The following SYNE3 variants were observed in gnomAD, a reference collection of about 807,000 sequenced individuals.
SYNE3 encodes nesprin-3.
In SYNE3, 100 loss-of-function variants were observed where a neutral mutation model predicts 111.2. That is an observed-to-expected ratio of 0.90 (90% CI 0.77 to 1.06). The LOEUF (loss-of-function observed/expected upper bound fraction) is 1.06, where lower values mean the gene tolerates loss of function less well. SYNE3 is among the 50% of genes least tolerant of loss of function. The pLI, the probability that SYNE3 is intolerant of heterozygous loss-of-function variation, is 0.00. For synonymous variants in SYNE3, 547 were observed against 533.9 expected, an observed-to-expected ratio of 1.02 and a Z score of -0.34; for missense variants, 1,160 against 1,240.3, an observed-to-expected ratio of 0.94 and a Z score of 0.97.
intron 17 of SYNE3, 76 bp downstream of exon 17, chr14:95,432,003 C>T (rs1374084665): frequency 1.3e-6 from 2 of 1,535,220 alleles, no homozygotes; most frequent in African/African-American, 1.4e-5. Context: ...ACGAGTCTTG[C>T]CCCAGTGTCA....
chr14:95,439,202 G>A (rs1236037367), intron 13 of SYNE3, 40 bp from the exon 14 acceptor site: 3 of 1,612,040 alleles, frequency 1.9e-6, no homozygotes, highest in Non-Finnish European at 1.7e-6. Flanking sequence ...CAGAGATGTG[G>A]TGGGGACCCA....
chr14:95,456,901 G>A (rs539954271), intron 5 of SYNE3, among the ~76,000 whole-genome samples: 9 of 152,072 alleles, frequency 5.9e-5, no homozygotes, highest in East Asian at 3.9e-4. Context: ...TGGCTAACAT[G>A]GTGAAACCCT....
At chr14:95,480,653 G>A (rs192266181) in intron 1 of SYNE3, among the ~76,000 whole-genome samples, 23 of 152,314 alleles carry the variant, frequency 1.5e-4, no homozygotes, top group Admixed American at 1.2e-3. Context: ...CTCAAAATGG[G>A]ACACCTTAAT....
At position 95,515,832 on chromosome 14, in the gene SYNE3, G is replaced by T. The variant is rs1392484486; in HGVS notation, c.-15+764C>A. Among the ~76,000 whole-genome samples, 7 of 152,206 alleles carry T rather than the reference G, an allele frequency of 4.6e-5. 1 individual carries two copies. In the South Asian group the frequency reaches 8.3e-4, roughly 18 times the overall value. On this transcript the variant is annotated intron_variant, in intron 1 of 17. Coordinates refer to ENST00000682763, the MANE Select transcript of SYNE3 (RefSeq NM_152592.6). ...CATTATCACCCCGCCCAGGCTGGAG[G>T]CCCCTGGCTTCCAGTTTTGAAGCAG...
intron 1 of SYNE3, among the ~76,000 whole-genome samples, chr14:95,476,329 C>A (rs893999514): frequency 6.6e-6 from 1 of 152,206 alleles, no homozygotes; most frequent in Non-Finnish European, 1.5e-5. Context: ...TGGGGATGGT[C>A]GTGTTAGGTT....
At chr14:95,434,866 C>T (rs564529604) in intron 15 of SYNE3, among the ~76,000 whole-genome samples, 2 of 152,312 alleles carry the variant, frequency 1.3e-5, no homozygotes, top group South Asian at 4.1e-4. Context: ...CATGTTGAGG[C>T]TGGTCTCGAA....
Position 95,475,698 on chromosome 14 carries a change from C to T in SYNE3, c.124G>A (p.Ala42Thr), listed in dbSNP as rs1245147199. 3.2e-6 allele frequency: 5 copies of T among 1,582,618 alleles called. No homozygotes were observed. Among genetic ancestry groups the T allele is most frequent in the Non-Finnish European group, 4.3e-6 (5 of 1,166,220 alleles). The change falls in exon 2 of 18, where the codon GCC becomes ACC. Residue 42 changes from alanine (A) to threonine (T), a missense_variant. Ala to Thr is a moderately conservative substitution (Grantham distance 58). Coordinates refer to ENST00000682763, the MANE Select transcript of SYNE3 (RefSeq NM_152592.6). ...CATACCTCGGTCTCCCACAGCCTGG[C>T]CTCCAGGGCCGCGCGGGGTCCCTGC... Reference protein sequence around the residue: ...NTQGPRAALEARLWETEKICQ... With the variant: ...NTQGPRAALETRLWETEKICQ...
At chr14:95,482,641 C>A (rs1889328590) in intron 1 of SYNE3, among the ~76,000 whole-genome samples, 1 of 152,048 alleles carries the variant, frequency 6.6e-6, no homozygotes, top group African/African-American at 2.4e-5. Flanking sequence ...CATTATTTGT[C>A]CCATTTTACA....
intron 7 of SYNE3, chr14:95,450,531 GC>G: frequency 6.0e-6 from 1 of 167,230 alleles, no homozygotes; most frequent in South Asian, 1.5e-4. Flanking sequence ...TTAAAAATTA[GC>G]CAGGCATCAT....
At position 95,485,835 on chromosome 14, in the gene SYNE3, C is replaced by T. The variant is rs898088323; in HGVS notation, c.-14-10000G>A. Among the ~76,000 whole-genome samples, 1 of 152,166 alleles carries T rather than the reference C, an allele frequency of 6.6e-6. No individual in the cohort carries two copies. The highest frequency in any genetic ancestry group is 1.5e-5 in the Non-Finnish European group (1 of 68,026). On this transcript the variant is annotated intron_variant, in intron 1 of 17. Coordinates refer to ENST00000682763, the MANE Select transcript of SYNE3 (RefSeq NM_152592.6). This position sits in a 1 kb window ranked among gnomAD's most constrained non-coding sequence, Gnocchi z 4.3. ...CTCATCTCTCCTGCTCCTCACTTCA[C>T]CTCCTTCGTGGAGCTCAGCACCTGC...
rs1016559722 is a variant in SYNE3, at chr14:95,468,136, T to G, written c.145-169A>C. ...TGTGGGGTCTTGGGCAACCTGCTAC[T>G]AGCTCTGAGGGTAGGAGGCGGGAGC... is the stretch of plus-strand genomic sequence containing the variant. On this transcript the variant is annotated intron_variant, in intron 2 of 17. Transcript: ENST00000682763. Among the ~76,000 whole-genome samples the G allele has an allele frequency of 2.6e-5, 4 of 152,202 alleles. No individual in the cohort carries two copies. The South Asian group carries it at 8.3e-4, about 31-fold the overall frequency.
chr14:95,489,211 G>T (rs970708751), intron 1 of SYNE3, among the ~76,000 whole-genome samples: 2 of 152,206 alleles, frequency 1.3e-5, no homozygotes, highest in Non-Finnish European at 2.9e-5. Flanking sequence ...GAAGACAAAT[G>T]GAGTCACCCA....
In SYNE3 at chr14:95,409,826, G is replaced by A. The variant is rs1903388045; in HGVS notation, c.*8000C>T. On this transcript the variant is annotated 3_prime_UTR_variant, in exon 18 of 18. Coordinates refer to ENST00000682763, the MANE Select transcript of SYNE3 (RefSeq NM_152592.6). ...AGCCTGCAGGCACTGGCAATTGGGT[G>A]ATGAGGGCCACCTGTGGGGTGCCCC... is the stretch of plus-strand genomic sequence containing the variant. The A allele has an allele frequency of 5.4e-6, 1 of 186,672 alleles. No individual in the cohort carries two copies. Among genetic ancestry groups the A allele is most frequent in the Admixed American group, 5.3e-5 (1 of 18,718 alleles). 11.6% of individuals were successfully genotyped at this position (186,672 alleles called of 1,614,324 possible). A position where few individuals can be genotyped will look rare whatever the true frequency, so the allele number is the denominator to read the frequency against.
chr14:95,467,068 T>C lies in SYNE3; in HGVS notation c.317+727A>G, dbSNP rs574427683. On this transcript the variant is annotated intron_variant, in intron 3 of 17. Transcript: ENST00000682763. ...TCCATCTCTAACATGGAGGTGGCTCTATCTCCCCAGCCAACATCAAGTCAC... is the reference window on the plus strand; with the variant it reads ...TCCATCTCTAACATGGAGGTGGCTCCATCTCCCCAGCCAACATCAAGTCAC... 1.1e-4 allele frequency among the ~76,000 whole-genome samples: 17 copies of C among 152,342 alleles called. No homozygotes were observed. In the South Asian group the frequency reaches 3.5e-3, roughly 32 times the overall value.
intron 1 of SYNE3, among the ~76,000 whole-genome samples, chr14:95,495,890 C>T (rs538079196): frequency 6.6e-6 from 1 of 152,212 alleles, no homozygotes; most frequent in African/African-American, 2.4e-5. Flanking sequence ...GCCCGAGGGG[C>T]CAGTGAGGCT....
At chr14:95,423,654 G>C (rs181050635) in intron 17 of SYNE3, among the ~76,000 whole-genome samples, 2 of 55,126 alleles carry the variant, frequency 3.6e-5, no homozygotes, top group East Asian at 5.1e-4. Flanking sequence ...TTTTGATGGG[G>C]ATGGGGATTT....
At chr14:95,460,603 C>G (rs1887739860) in intron 4 of SYNE3, among the ~76,000 whole-genome samples, 1 of 140,040 alleles carries the variant, frequency 7.1e-6, no homozygotes, top group Non-Finnish European at 1.5e-5. Flanking sequence ...AACATGGGCC[C>G]TGCTTGAATC....
intron 6 of SYNE3, among the ~76,000 whole-genome samples, chr14:95,452,709 G>A (rs113134846): frequency 6.6e-6 from 1 of 152,312 alleles, no homozygotes; most frequent in African/African-American, 2.4e-5. Context: ...CAGGCTGAGC[G>A]CCCTGGGTGT....
Position 95,443,162 on chromosome 14 carries a change from G to A in SYNE3, c.1904C>T (p.Ser635Phe), listed in dbSNP as rs372244319. Reference sequence around the variant, plus strand: ...CTTCTGCCAGCCCCTTACCTCCAGAGACCTCTGCAGGGCCTGGAAGTCGGA... The same window carrying A: ...CTTCTGCCAGCCCCTTACCTCCAGAAACCTCTGCAGGGCCTGGAAGTCGGA... ...LSSDFQALQR[S>F]LEDLVDRCRQ... Residue 635 changes from serine to phenylalanine, a missense_variant, in exon 11 of 18, where the codon TCT becomes TTT. Physicochemically the swap from Ser to Phe is radical, Grantham distance 155 (BLOSUM62 -2). Transcript: ENST00000682763. The A allele has an allele frequency of 9.3e-6, 15 of 1,613,790 alleles. No individual in the cohort carries two copies. The South Asian group carries it at 1.3e-4, about 14-fold the overall frequency.
Sources: gnomAD v4.1 joint callset for allele counts (sites outside exome capture counted in the v4.1 genomes callset) on GRCh38, gnomAD v4.1.1 for gene constraint, Gnocchi (gnomAD v3.1) non-coding constraint, MANE v1.5 for transcripts, NCBI Gene and HGNC (gene_info 2026-07-23, HGNC 2026-07-21) for gene names.